The following PYM1 variants were observed in gnomAD, a reference collection of about 807,000 sequenced individuals.
PYM1 encodes partner of Y14 and mago.
In PYM1, 7 loss-of-function variants were observed where a neutral mutation model predicts 20.7. The observed-to-expected ratio is 0.34, with a 90% CI of 0.19 to 0.64. The LOEUF is 0.64. Among genes scored for constraint, PYM1 ranks in the 30% least tolerant of loss-of-function variants. The pLI is 0.74. For synonymous variants in PYM1, 100 were observed against 99.2 expected, an observed-to-expected ratio of 1.01 and a Z score of -0.05; for missense variants, 194 against 250.0, an observed-to-expected ratio of 0.78 and a Z score of 1.51.
At chr12:55,920,312 G>A (rs1883076195) in intron 1 of PYM1, among the ~76,000 whole-genome samples, 1 of 152,000 alleles carries the variant, frequency 6.6e-6, no homozygotes, top group Admixed American at 6.6e-5. Flanking sequence ...AGACCTGCCT[G>A]GGAAACATAG....
intron 1 of PYM1, 137 bp downstream of exon 1, chr12:55,927,588 G>A: frequency 8.8e-7 from 1 of 1,137,040 alleles, no homozygotes. Flanking sequence ...TGTTTCTAGG[G>A]ACGGTTGGAG....
chr12:55,902,059 T>C lies in PYM1; in HGVS notation c.428A>G (p.Asp143Gly). The C allele has an allele frequency of 6.2e-7, 1 of 1,614,104 alleles. No individual in the cohort carries two copies. Among genetic ancestry groups the C allele is most frequent in the Non-Finnish European group, 8.5e-7 (1 of 1,180,012 alleles). ...AAPTAASDQP[D>G]SAATTEKAKK... ...GGCTTTCTCAGTGGTGGCAGCTGAG[T>C]CAGGCTGGTCAGATGCAGCTGTGGG... is the stretch of plus-strand genomic sequence containing the variant. The change falls in exon 3 of 3, where the codon GAC becomes GGC. Residue 143 changes from aspartate to glycine, a missense_variant. By Grantham distance (94) the Asp-to-Gly change is moderately conservative (BLOSUM62 -1). This residue lies in a region of PYM1 where 158 missense variants were observed against 179.0 expected (regional missense o/e 0.88). Transcript: ENST00000408946.
At chr12:55,926,997 G>A (rs1404397391) in intron 1 of PYM1, 2 of 1,407,758 alleles carry the variant, frequency 1.4e-6, no homozygotes, top group Non-Finnish European at 9.4e-7. Context: ...CGGGATGGGC[G>A]GGGCACAGAC....
At chr12:55,914,258 A>G in intron 1 of PYM1, 1 of 701,912 alleles carries the variant, frequency 1.4e-6, no homozygotes, top group South Asian at 1.5e-5. Flanking sequence ...CAAATAGCCC[A>G]TTATCACAAA....
At chr12:55,910,605 G>C (rs1205216929) in intron 1 of PYM1, among the ~76,000 whole-genome samples, 2 of 152,116 alleles carry the variant, frequency 1.3e-5, no homozygotes, top group East Asian at 3.9e-4. Flanking sequence ...ACCACGCCCA[G>C]CTAATTTTTT....
At chr12:55,907,703 C>G (rs1295893724) in intron 1 of PYM1, among the ~76,000 whole-genome samples, 2 of 150,756 alleles carry the variant, frequency 1.3e-5, no homozygotes, top group African/African-American at 2.4e-5. Flanking sequence ...CTTTGGGAAG[C>G]TGAGGTGAGT....
intron 1 of PYM1, among the ~76,000 whole-genome samples, chr12:55,912,446 T>C (rs1882940098): frequency 6.6e-6 from 1 of 152,142 alleles, no homozygotes; most frequent in Admixed American, 6.5e-5. Flanking sequence ...AGGCCAGGCG[T>C]GGTGGCTCAC....
At chr12:55,925,002 GA>G (rs943677343) in intron 1 of PYM1, among the ~76,000 whole-genome samples, 6 of 152,066 alleles carry the variant, frequency 3.9e-5, no homozygotes, top group African/African-American at 1.4e-4. Flanking sequence ...TTTTTAAAAA[GA>G]AAAAAATAAT....
At chr12:55,907,532 G>A (rs1422644090) in intron 1 of PYM1, among the ~76,000 whole-genome samples, 2 of 151,678 alleles carry the variant, frequency 1.3e-5, no homozygotes, top group Non-Finnish European at 2.9e-5. Context: ...TACTTGGGAG[G>A]TTGAAGCAGG....
rs868564361 is a variant in PYM1 at position 55,918,223 on chromosome 12, G to T, written c.37+9502C>A. Among the ~76,000 whole-genome samples the T allele has an allele frequency of 1.8e-4, 27 of 151,498 alleles. 1 individual carries two copies. Among genetic ancestry groups the T allele is most frequent in the South Asian group, 1.7e-3 (8 of 4,760 alleles). ...CGCCATTCTCCTGCCTCAGTCTCCC[G>T]AGTAGCTGGGACTACAGGTGCCCGC... On this transcript the variant is annotated intron_variant, in intron 1 of 2. Transcript: ENST00000408946.
intron 2 of PYM1, 46 bp downstream of exon 2, chr12:55,903,341 G>T (rs755076083): frequency 1.1e-5 from 17 of 1,556,486 alleles, no homozygotes; most frequent in Admixed American, 1.7e-5. Context: ...CTATCCTTCT[G>T]TAGGGACCCC....
At chr12:55,915,598 G>A (rs1001894826) in intron 1 of PYM1, among the ~76,000 whole-genome samples, 3 of 147,956 alleles carry the variant, frequency 2.0e-5, no homozygotes, top group Non-Finnish European at 4.5e-5. Flanking sequence ...GAAAAGTACC[G>A]TAAGTGCCAA....
chr12:55,909,968 G>A (rs768517488), intron 1 of PYM1, among the ~76,000 whole-genome samples: 14 of 152,138 alleles, frequency 9.2e-5, no homozygotes, highest in Non-Finnish European at 1.8e-4. Context: ...GGGAGGCCAA[G>A]ATGGGAGGAT....
At chr12:55,927,243 T>TGGAGGA in intron 1 of PYM1, 3 of 1,307,792 alleles carry the variant, frequency 2.3e-6, no homozygotes, top group Non-Finnish European at 1.1e-6. Flanking sequence ...TGGGCGGAGG[T>TGGAGGA]GGAGGAGGAG....
Position 55,901,924 on chromosome 12 carries a change from G to A in PYM1, c.563C>T (p.Ala188Val). The A allele has an allele frequency of 1.2e-6, 2 of 1,613,944 alleles. No homozygotes were observed. Among genetic ancestry groups the A allele is most frequent in the Non-Finnish European group, 1.7e-6 (2 of 1,179,964 alleles). The change falls in exon 3 of 3, where the codon GCA (alanine) becomes GTA (valine). Residue 188 changes from alanine to valine, a missense_variant. This residue lies in a region of PYM1 where 158 missense variants were observed against 179.0 expected (regional missense o/e 0.88). Transcript: ENST00000408946. ...CTCCTCTTCTAGCGCCCTCCTCCTTGCTAGCTTTTCTAGCTGCTCTTTGCT... is the reference window on the plus strand; with the variant it reads ...CTCCTCTTCTAGCGCCCTCCTCCTTACTAGCTTTTCTAGCTGCTCTTTGCT... ...QPSKEQLEKLARRRALEEELE... is the reference protein window; with the variant it reads ...QPSKEQLEKLVRRRALEEELE...
chr12:55,916,583 A>G (rs1883011989), intron 1 of PYM1, among the ~76,000 whole-genome samples: 1 of 151,806 alleles, frequency 6.6e-6, no homozygotes, highest in Non-Finnish European at 1.5e-5. Context: ...GGATCACCTG[A>G]GGTCAGGAGT....
chr12:55,915,578 C>G (rs572665242), intron 1 of PYM1, among the ~76,000 whole-genome samples: 1 of 140,196 alleles, frequency 7.1e-6, no homozygotes, highest in African/African-American at 2.6e-5. Flanking sequence ...AAAAAAAAAG[C>G]CTCCTAGAAG....
intron 1 of PYM1, among the ~76,000 whole-genome samples, chr12:55,906,294 T>A (rs183983698): frequency 1.3e-5 from 2 of 151,988 alleles, no homozygotes; most frequent in Non-Finnish European, 2.9e-5. Context: ...TAAAAAAATA[T>A]GTATTCAAGG....
rs975664096 is a variant in PYM1 at position 55,901,669 on chromosome 12, G to A, written c.*203C>T. ...GATTTTGAACACTGGGAATGGGAGG[G>A]GGAAAGTCCAAAAAGTAGAAGTTGG... On this transcript the variant is annotated 3_prime_UTR_variant, in exon 3 of 3. Coordinates refer to ENST00000408946, the MANE Select transcript of PYM1 (RefSeq NM_032345.3). The A allele has an allele frequency of 1.5e-6, 1 of 684,278 alleles. No individual in the cohort carries two copies. The highest frequency in any genetic ancestry group is 2.5e-5 in the South Asian group (1 of 39,316). 42.4% of individuals were successfully genotyped at this position (684,278 alleles called of 1,614,324 possible).
Sources: gnomAD v4.1 joint callset for allele counts (sites outside exome capture counted in the v4.1 genomes callset) on GRCh38, gnomAD v4.1.1 for gene constraint, gnomAD v4.1.1 regional missense constraint, MANE v1.5 for transcripts, NCBI Gene and HGNC (gene_info 2026-07-23, HGNC 2026-07-21) for gene names.